The following VPS13B variants were observed in gnomAD, a reference collection of about 807,000 sequenced individuals.
The protein encoded by VPS13B is intermembrane lipid transfer protein VPS13B.
Under a neutral mutation model 426.4 loss-of-function variants are expected in VPS13B, and 285 were observed. The observed-to-expected ratio is 0.67, with a 90% confidence interval of 0.61 to 0.74. The LOEUF (loss-of-function observed/expected upper bound fraction) is 0.74, where lower values mean the gene tolerates loss of function less well. Among genes scored for constraint, VPS13B ranks in the 30% least tolerant of loss-of-function variants. The probability of loss-of-function intolerance (pLI) is 0.00; values close to 1 mark genes in which losing one functional copy is unlikely to be tolerated. For synonymous variants in VPS13B, 1,676 were observed against 1,676.4 expected (o/e 1.00, Z 0.01); for missense variants, 4,537 against 4,782.6 (o/e 0.95, Z 1.51).
chr8:99,700,054 G>A, intron 36 of VPS13B, 122 bp downstream of exon 36: 2 of 1,213,174 alleles, frequency 1.6e-6, no homozygotes, highest in Non-Finnish European at 1.1e-6. Flanking sequence ...GGCCATTAGA[G>A]ATGAGGACAT....
chr8:99,200,829 T>C (rs1814272307), intron 17 of VPS13B, among the ~76,000 whole-genome samples: 1 of 152,130 alleles, frequency 6.6e-6, no homozygotes. Flanking sequence ...TCCTGTAATT[T>C]TGTGGGTTGT....
chr8:99,589,224 C>T (rs1259016131), intron 33 of VPS13B, among the ~76,000 whole-genome samples: 1 of 151,518 alleles, frequency 6.6e-6, no homozygotes, highest in Non-Finnish European at 1.5e-5. Context: ...TATTATTATA[C>T]TTTAAGTTTT....
intron 35 of VPS13B, chr8:99,696,284 AC>A: frequency 9.5e-6 from 2 of 209,612 alleles, no homozygotes; most frequent in Non-Finnish European, 9.8e-6. Context: ...CCAAGTGTAC[AC>A]CCCCACCCCA....
At chr8:99,092,841 GT>G (rs1588026588) in intron 3 of VPS13B, among the ~76,000 whole-genome samples, 1 of 151,212 alleles carries the variant, frequency 6.6e-6, no homozygotes, top group Non-Finnish European at 1.5e-5. Flanking sequence ...AAAATTTCAA[GT>G]TTTTAAAATA....
intron 55 of VPS13B, among the ~76,000 whole-genome samples, chr8:99,849,820 T>G (rs1338102573): frequency 6.6e-6 from 1 of 152,102 alleles, no homozygotes; most frequent in Non-Finnish European, 1.5e-5. Flanking sequence ...TCAAAGAATT[T>G]TAATGGAATA....
In VPS13B at chr8:99,848,943, C is replaced by A; in HGVS notation, c.10061+49C>A. The A allele has an allele frequency of 3.3e-6, 5 of 1,528,356 alleles. No individual in the cohort carries two copies. The South Asian group carries it at 4.5e-5, about 14-fold the overall frequency. 94.7% of individuals were successfully genotyped at this position (1,528,356 alleles called of 1,614,324 possible). ...GACAACATAGTAAGTGTTACTGTTA[C>A]AAAGTTGTAAACTTAGTATTTATCT... On this transcript the variant is annotated intron_variant, in intron 55 of 61. Transcript: ENST00000357162.
At chr8:99,638,722 A>C (rs1829169576) in intron 33 of VPS13B, among the ~76,000 whole-genome samples, 1 of 152,190 alleles carries the variant, frequency 6.6e-6, no homozygotes, top group African/African-American at 2.4e-5. Flanking sequence ...CACAAGGTAG[A>C]GTATGCAGAT....
intron 36 of VPS13B, among the ~76,000 whole-genome samples, chr8:99,716,887 C>T (rs1366865757): frequency 6.6e-6 from 1 of 152,150 alleles, no homozygotes; most frequent in Non-Finnish European, 1.5e-5. Flanking sequence ...GAAAAACTTG[C>T]ACAATTTAAT....
intron 43 of VPS13B, chr8:99,797,092 A>G (rs1812873927): frequency 6.6e-6 from 1 of 152,194 alleles, no homozygotes; most frequent in Non-Finnish European, 1.5e-5. Context: ...GAGAATGAAG[A>G]TGGACATGAA....
rs182678373 is a variant in VPS13B at position 99,053,119 on chromosome 8, T to A, written c.291+14553T>A. ...TTGCTTCTCTAGTTCTTTAATTTTT[T>A]AATTATTTAATTATTTATTTATTTT... On this transcript the variant is annotated intron_variant, in intron 3 of 61. Transcript: ENST00000357162. 2.5e-3 allele frequency among the ~76,000 whole-genome samples: 382 copies of A among 151,442 alleles called. 1 individual carries two copies. The highest frequency in any genetic ancestry group is 5.0e-3 in the Non-Finnish European group (336 of 67,754).
chr8:99,568,289 TATTATTA>T (rs1563800955), intron 31 of VPS13B, among the ~76,000 whole-genome samples: 21 of 148,348 alleles, frequency 1.4e-4, no homozygotes, highest in East Asian at 5.9e-4. Context: ...TTATTATTAT[TATTATTA>T]TTATTTTTTT....
At chr8:99,550,886 G>A (rs1824247798) in intron 30 of VPS13B, among the ~76,000 whole-genome samples, 1 of 151,896 alleles carries the variant, frequency 6.6e-6, no homozygotes, top group Admixed American at 6.6e-5. Context: ...ATTGTATTGT[G>A]CTCAGAGGAT....
intron 16 of VPS13B, among the ~76,000 whole-genome samples, chr8:99,178,925 A>G (rs746019096): frequency 1.3e-5 from 2 of 152,042 alleles, no homozygotes; most frequent in Non-Finnish European, 2.9e-5. Flanking sequence ...CCCGCCCTAG[A>G]CATCTTTTGA....
chr8:99,526,058 G>C (rs910242126), intron 30 of VPS13B, among the ~76,000 whole-genome samples: 4 of 141,890 alleles, frequency 2.8e-5, no homozygotes, highest in African/African-American at 1.0e-4. Flanking sequence ...TTTGAAATAT[G>C]TAATGCTTTT....
rs768779247 is a variant in VPS13B, at chr8:99,384,325, A to T, written c.2934+8A>T. ...AGTAGACATATGCAACAGGTAAGAG[A>T]TTTTTAAATAATTTTTTCTGTTAAC... On this transcript the variant is annotated splice_region_variant and intron_variant, in intron 20 of 61. Coordinates refer to ENST00000357162, the MANE Select transcript of VPS13B (RefSeq NM_152564.5). 3 of 1,603,826 alleles carry T rather than the reference A, an allele frequency of 1.9e-6. No individual in the cohort carries two copies. The highest frequency in any genetic ancestry group is 1.7e-5 in the Admixed American group (1 of 59,976).
chr8:99,045,515 T>A (rs1309176418), intron 3 of VPS13B, among the ~76,000 whole-genome samples: 2 of 152,226 alleles, frequency 1.3e-5, no homozygotes, highest in South Asian at 2.1e-4. Context: ...CTGTTTACTC[T>A]GCTGACTGTT....
intron 33 of VPS13B, among the ~76,000 whole-genome samples, chr8:99,640,461 T>C (rs1829313044): frequency 6.6e-6 from 1 of 151,840 alleles, no homozygotes; most frequent in Non-Finnish European, 1.5e-5. Context: ...AGAGATAAGG[T>C]TTTGTCATGT....
At chr8:99,295,667 C>T (rs1167386957) in intron 19 of VPS13B, among the ~76,000 whole-genome samples, 3 of 152,032 alleles carry the variant, frequency 2.0e-5, no homozygotes, top group Non-Finnish European at 2.9e-5. Context: ...CACTTTCTGC[C>T]GCTGCCCAGC....
chr8:99,871,065 A>G, intron 60 of VPS13B, 178 bp downstream of exon 60: 2 of 696,768 alleles, frequency 2.9e-6, no homozygotes, highest in Admixed American at 4.4e-5. Flanking sequence ...TGCTGTTGCC[A>G]GGTTTGGGGC....
Sources: gnomAD v4.1 joint callset for allele counts (sites outside exome capture counted in the v4.1 genomes callset) on GRCh38, gnomAD v4.1.1 for gene constraint, MANE v1.5 for transcripts, NCBI Gene and HGNC (gene_info 2026-07-23, HGNC 2026-07-21) for gene names.